The following MCM3 variants were observed in gnomAD, a reference collection of about 807,000 sequenced individuals.
MCM3 encodes the protein DNA replication licensing factor MCM3.
Under a neutral mutation model 91.3 loss-of-function variants are expected in MCM3, and 59 were observed. The observed-to-expected ratio is 0.65, with a 90% CI of 0.52 to 0.80. The LOEUF is 0.80. Ranked by LOEUF, MCM3 falls within the 30% of genes least tolerant of loss-of-function variation. The probability of loss-of-function intolerance (pLI) is 0.00; values close to 1 mark genes in which losing one functional copy is unlikely to be tolerated. For synonymous variants in MCM3, 383 were observed against 379.6 expected, an observed-to-expected ratio of 1.01 and a Z score of -0.10; for missense variants, 919 against 1,035.4, an observed-to-expected ratio of 0.89 and a Z score of 1.54.
At position 52,279,369 on chromosome 6, in the gene MCM3, C is replaced by T. The variant is rs769113278; in HGVS notation, c.762G>A (p.Gly254=). ...TAAGGCAGACCCTTTACCTGAAGGT[C>T]CCAGAGGTGTAGCCTCCCTTCTTTC... ...LPGKKGGYTS[G]TFRTVLIACN... Residue 254 remains glycine, a synonymous_variant, in exon 5 of 17, where the codon GGG becomes GGA. Coordinates refer to ENST00000596288, the MANE Select transcript of MCM3 (RefSeq NM_002388.6). 6.2e-7 allele frequency: 1 copy of T among 1,613,516 alleles called. No homozygotes were observed. The highest frequency in any genetic ancestry group is 8.5e-7 in the Non-Finnish European group (1 of 1,179,648).
intron 14 of MCM3, among the ~76,000 whole-genome samples, chr6:52,266,997 GGTTGGGTT>G (rs1210171333): frequency 6.6e-6 from 1 of 151,968 alleles, no homozygotes; most frequent in Non-Finnish European, 1.5e-5. Flanking sequence ...AACCCTCAGT[GGTTGGGTT>G]GCTGTTCCTA....
chr6:52,267,386 G>C (rs562537811), intron 14 of MCM3, among the ~76,000 whole-genome samples: 1 of 150,910 alleles, frequency 6.6e-6, no homozygotes, highest in Non-Finnish European at 1.5e-5. Flanking sequence ...GTGAGCCACC[G>C]CGCCCAGCCT....
rs767723316 is a variant in MCM3 at position 52,279,574 on chromosome 6, G to A, written c.557C>T (p.Thr186Ile). The A allele has an allele frequency of 4.3e-6, 7 of 1,613,900 alleles. No homozygotes were observed. The highest frequency in any genetic ancestry group is 5.9e-6 in the Non-Finnish European group (7 of 1,179,900). ...TKDEENNPLE[T>I]EYGLSVYKDH... ...CTTGTAGACAGAAAGGCCATATTCT[G>A]TCTCAAGGGGATTGTTCTCCTCATC... The change falls in exon 5 of 17, where the codon ACA becomes ATA. Residue 186 changes from threonine (T) to isoleucine (I), a missense_variant. Transcript: ENST00000596288.
At chr6:52,270,799 C>A (rs143332968) in intron 12 of MCM3, among the ~76,000 whole-genome samples, 1 of 152,128 alleles carries the variant, frequency 6.6e-6, no homozygotes, top group African/African-American at 2.4e-5. Flanking sequence ...GGAAGACAGG[C>A]GATACACAAC....
chr6:52,278,923 GAGTA>G, intron 5 of MCM3, 73 bp from the exon 6 acceptor site: 1 of 1,089,818 alleles, frequency 9.2e-7, no homozygotes, highest in South Asian at 1.5e-5. Flanking sequence ...CCCCTAGCAG[GAGTA>G]AGCCTTTTTA....
intron 6 of MCM3, among the ~76,000 whole-genome samples, chr6:52,278,024 C>T (rs1765736458): frequency 7.6e-6 from 1 of 131,650 alleles, no homozygotes; most frequent in African/African-American, 2.8e-5. Flanking sequence ...GCAGAGATCG[C>T]ACCATTGCAC....
chr6:52,266,386 C>G (rs531338543), intron 15 of MCM3, among the ~76,000 whole-genome samples: 178 of 152,222 alleles, frequency 1.2e-3, no homozygotes, highest in African/African-American at 4.1e-3. Context: ...ATGCTTATAC[C>G]AGGTGAAACA....
intron 4 of MCM3, 26 bp from the exon 5 acceptor site, chr6:52,279,625 G>A (rs756514206): frequency 1.3e-6 from 2 of 1,543,370 alleles, no homozygotes; most frequent in Admixed American, 3.4e-5. Flanking sequence ...CAGAGGGACA[G>A]AGTGATCTCC....
At position 52,284,692 on chromosome 6, in the gene MCM3, T is replaced by C. The variant is rs562292602; in HGVS notation, c.-18A>G. On this transcript the variant is annotated 5_prime_UTR_variant, in exon 1 of 17. Transcript: ENST00000596288. ...CCCGCCATGCCCGCTGCCAAAGAAC[T>C]ACCTCCACCAAAGTCGCGTGGAGGT... 5.0e-6 allele frequency: 8 copies of C among 1,603,276 alleles called. No individual in the cohort carries two copies. The highest frequency in any genetic ancestry group is 1.1e-5 in the South Asian group (1 of 89,186).
At chr6:52,265,042 A>C (rs572490591) in intron 16 of MCM3, among the ~76,000 whole-genome samples, 1 of 152,298 alleles carries the variant, frequency 6.6e-6, no homozygotes, top group African/African-American at 2.4e-5. Context: ...TCAATGCGGG[A>C]CAATTTAACA....
chr6:52,269,254 T>C, intron 12 of MCM3, 28 bp from the exon 13 acceptor site: 2 of 1,590,478 alleles, frequency 1.3e-6, no homozygotes, highest in Non-Finnish European at 1.7e-6. Flanking sequence ...GGATTGCTTA[T>C]CCCAAGTCTT....
Position 52,284,623 on chromosome 6 carries a change from C to T in MCM3, c.52G>A (p.Asp18Asn), listed in dbSNP as rs768000563. The T allele has an allele frequency of 6.2e-7, 1 of 1,608,354 alleles. No individual in the cohort carries two copies. ...DDVELREAQRDYLDFLDDEED... is the reference protein window; with the variant it reads ...DDVELREAQRNYLDFLDDEED... ...TCGTCGTCCAGGAAGTCCAGGTAAT[C>T]TCTCTGAGCCTCCCGCAGCTCCACA... The change falls in exon 1 of 17, where the codon GAT becomes AAT. Residue 18 changes from aspartate to asparagine, a missense_variant. Coordinates refer to ENST00000596288, the MANE Select transcript of MCM3 (RefSeq NM_002388.6).
Position 52,266,536 on chromosome 6 carries a change from A to G in MCM3, c.2158+75T>C, listed in dbSNP as rs1764654646. Reference sequence around the variant, plus strand: ...AACAAACAGGAGTCCACAAGAAAATAAAGTGCACAGAGCAACTGGAAAAGT... The same window carrying G: ...AACAAACAGGAGTCCACAAGAAAATGAAGTGCACAGAGCAACTGGAAAAGT... On this transcript the variant is annotated intron_variant, in intron 15 of 16. Transcript: ENST00000596288. 3 of 1,342,276 alleles carry G rather than the reference A, an allele frequency of 2.2e-6. No homozygotes were observed. The African/African-American group carries it at 4.3e-5, about 19-fold the overall frequency. 83.1% of individuals were successfully genotyped at this position (1,342,276 alleles called of 1,614,324 possible). A position where few individuals can be genotyped will look rare whatever the true frequency, so the allele number is the denominator to read the frequency against.
At position 52,272,369 on chromosome 6, in the gene MCM3, C is replaced by T. The variant is rs1765205507; in HGVS notation, c.1759G>A (p.Ala587Thr). 6.2e-7 allele frequency: 1 copy of T among 1,614,010 alleles called. No homozygotes were observed. Among genetic ancestry groups the T allele is most frequent in the African/African-American group, 1.3e-5 (1 of 74,908 alleles). ...IIKPVLTQESATYIAEEYSRL... is the reference protein window; with the variant it reads ...IIKPVLTQESTTYIAEEYSRL... ...GAATACTCTTCTGCAATGTAGGTGG[C>T]CGACTCCTGTGTCAGGACAGGCTTG... The change falls in exon 12 of 17, where the codon GCC becomes ACC. Residue 587 changes from alanine to threonine, a missense_variant. This residue lies in a region of MCM3 where 285 missense variants were observed against 311.4 expected (regional missense o/e 0.92). Transcript: ENST00000596288.
chr6:52,267,375 C>A (rs1477916933), intron 14 of MCM3, among the ~76,000 whole-genome samples: 1 of 151,912 alleles, frequency 6.6e-6, no homozygotes, highest in Non-Finnish European at 1.5e-5. Context: ...GGATTACAGG[C>A]GTGAGCCACC....
At chr6:52,267,096 C>CT (rs70977337) in intron 14 of MCM3, among the ~76,000 whole-genome samples, 2,489 of 111,564 alleles carry the variant, frequency 0.022, 135 homozygotes, top group African/African-American at 0.064. Context: ...AGGGTATCTT[C>CT]TTTTTTTTTT....
At chr6:52,270,761 G>GT (rs1341785717) in intron 12 of MCM3, among the ~76,000 whole-genome samples, 1 of 152,154 alleles carries the variant, frequency 6.6e-6, no homozygotes, top group Non-Finnish European at 1.5e-5. Flanking sequence ...GAAAGGAACA[G>GT]TTAAAAAGAA....
At position 52,282,130 on chromosome 6, in the gene MCM3, G is replaced by C. The variant is rs1467305201; in HGVS notation, c.446C>G (p.Pro149Arg). 1.2e-6 allele frequency: 2 copies of C among 1,614,040 alleles called. No individual in the cohort carries two copies. The highest frequency in any genetic ancestry group is 2.2e-5 in the East Asian group (1 of 44,894). ...TCGCTCTATGGTCTTCTTAGTAGCA[G>C]GACAGTAGTGGACACTGCGGACGAC... ...PKVVRSVHYC[P>R]ATKKTIERRY... The change falls in exon 4 of 17, where the codon CCT (proline) becomes CGT (arginine). Residue 149 changes from proline (P) to arginine (R), a missense_variant. Around this residue, in one of 3 missense-constraint regions of MCM3, gnomAD observed 401 missense variants for 402.7 expected, o/e 1.00. Transcript: ENST00000596288.
chr6:52,278,903 G>GC (rs1243583159), intron 5 of MCM3, 53 bp from the exon 6 acceptor site: 2 of 1,302,166 alleles, frequency 1.5e-6, no homozygotes, highest in African/African-American at 2.9e-5. Flanking sequence ...CCTAACATCA[G>GC]TAGCTAGTAC....
Sources: gnomAD v4.1 joint callset for allele counts (sites outside exome capture counted in the v4.1 genomes callset) on GRCh38, gnomAD v4.1.1 for gene constraint, gnomAD v4.1.1 regional missense constraint, MANE v1.5 for transcripts, NCBI Gene and HGNC (gene_info 2026-07-23, HGNC 2026-07-21) for gene names.